Variants in NEGR1 observed in about 807,000 individuals in gnomAD.
NEGR1 encodes the protein IgLON family member 4.
Under a neutral mutation model 40.9 loss-of-function variants are expected in NEGR1, and 10 were observed. That is an observed-to-expected ratio of 0.24 (90% CI 0.15 to 0.42). NEGR1 has a LOEUF of 0.42. NEGR1 is among the 10% of genes least tolerant of loss of function. The pLI, the probability that NEGR1 is intolerant of heterozygous loss-of-function variation, is 1.00. For synonymous variants in NEGR1, 185 were observed against 166.8 expected, an observed-to-expected ratio of 1.11 and a Z score of -0.84; for missense variants, 352 against 438.9, an observed-to-expected ratio of 0.80 and a Z score of 1.77.
intron 2 of NEGR1, among the ~76,000 whole-genome samples, chr1:71,836,614 G>A (rs180675728): frequency 1.1e-4 from 17 of 151,552 alleles, no homozygotes; most frequent in East Asian, 5.9e-4. Flanking sequence ...TTGGGACTCC[G>A]GCGATTTCAG....
chr1:71,585,194 T>C (rs958359645), intron 6 of NEGR1, among the ~76,000 whole-genome samples: 1 of 152,176 alleles, frequency 6.6e-6, no homozygotes, highest in Non-Finnish European at 1.5e-5. Flanking sequence ...GCACTTCTAC[T>C]TTGTTAAGGA....
intron 1 of NEGR1, among the ~76,000 whole-genome samples, chr1:72,266,900 A>G (rs1655665232): frequency 6.6e-6 from 1 of 151,016 alleles, no homozygotes; most frequent in Non-Finnish European, 1.5e-5. Context: ...GGCAATAGCA[A>G]AAAGTCCTAT....
chr1:72,010,015 C>T (rs1305657471), intron 1 of NEGR1, among the ~76,000 whole-genome samples: 1 of 151,952 alleles, frequency 6.6e-6, no homozygotes, highest in African/African-American at 2.4e-5. Flanking sequence ...GAAGAAATGA[C>T]AGGAAGAGGA....
Position 71,554,052 on chromosome 1 carries a change from T to C in NEGR1, c.940+38765A>G, listed in dbSNP as rs1452847245. Among the ~76,000 whole-genome samples, 14 of 151,524 alleles carry C rather than the reference T, an allele frequency of 9.2e-5. No homozygotes were observed. In the Admixed American group the frequency reaches 9.2e-4, roughly 10 times the overall value. On this transcript the variant is annotated intron_variant, in intron 6 of 6. Transcript: ENST00000357731. ...GATCCATTGCTTTAATTAATACTTT[T>C]GAGAATTAAAAGAAATAAGTTTGTT...
At chr1:72,113,437 A>AAC in intron 1 of NEGR1, among the ~76,000 whole-genome samples, 1 of 144,876 alleles carries the variant, frequency 6.9e-6, no homozygotes, top group East Asian at 2.2e-4. Flanking sequence ...CTTTTATACA[A>AAC]AAAAAAAATA....
chr1:71,571,936 T>G (rs1237959994), intron 6 of NEGR1, among the ~76,000 whole-genome samples: 1 of 152,130 alleles, frequency 6.6e-6, no homozygotes, highest in Non-Finnish European at 1.5e-5. Context: ...TAAGCTAATT[T>G]TCACACAATA....
At chr1:71,979,924 G>C (rs918113341) in intron 1 of NEGR1, among the ~76,000 whole-genome samples, 1 of 152,044 alleles carries the variant, frequency 6.6e-6, no homozygotes, top group Admixed American at 6.6e-5. Context: ...AATGTCAAGG[G>C]TGCCTGCCCA....
intron 1 of NEGR1, among the ~76,000 whole-genome samples, chr1:71,994,690 C>G (rs1210796678): frequency 6.6e-6 from 1 of 151,966 alleles, no homozygotes; most frequent in African/African-American, 2.4e-5. Context: ...TTGTCTATAC[C>G]TCTTGGAGGG....
intron 1 of NEGR1, among the ~76,000 whole-genome samples, chr1:72,259,402 C>G (rs1655381263): frequency 6.6e-6 from 1 of 151,816 alleles, no homozygotes; most frequent in Middle Eastern, 3.2e-3. Flanking sequence ...TCTTCTCCTT[C>G]TATACATTGA....
intron 6 of NEGR1, chr1:71,439,873 C>CATAT (rs568241003): frequency 4.0e-5 from 6 of 151,240 alleles, no homozygotes; most frequent in African/African-American, 1.2e-4. Context: ...TTATTTCTCT[C>CATAT]ATATATATAT....
intron 3 of NEGR1, among the ~76,000 whole-genome samples, chr1:71,720,611 C>G (rs772826771): frequency 9.9e-5 from 15 of 152,136 alleles, no homozygotes; most frequent in Non-Finnish European, 1.6e-4. Context: ...GTCCTAGTTC[C>G]ACCATTCTGT....
At chr1:71,634,714 G>C (rs1651088418) in intron 4 of NEGR1, among the ~76,000 whole-genome samples, 1 of 152,102 alleles carries the variant, frequency 6.6e-6, no homozygotes, top group African/African-American at 2.4e-5. Flanking sequence ...CCACATTACT[G>C]TGGTCTCAAG....
At chr1:72,103,234 T>C (rs1262001649) in intron 1 of NEGR1, among the ~76,000 whole-genome samples, 1 of 152,116 alleles carries the variant, frequency 6.6e-6, no homozygotes, top group East Asian at 1.9e-4. Flanking sequence ...GTTCCTTATA[T>C]GGTACTATGC....
intron 2 of NEGR1, among the ~76,000 whole-genome samples, chr1:71,848,562 C>A (rs1183999008): frequency 6.6e-6 from 1 of 152,186 alleles, no homozygotes; most frequent in Non-Finnish European, 1.5e-5. Flanking sequence ...GACAGCACAT[C>A]TGTTTACAGT....
At chr1:72,184,340 G>T (rs1195034444) in intron 1 of NEGR1, among the ~76,000 whole-genome samples, 1 of 152,098 alleles carries the variant, frequency 6.6e-6, no homozygotes, top group Admixed American at 6.6e-5. Context: ...CAAGTAGGCA[G>T]CAGAAAGACA....
chr1:71,856,599 G>T (rs1419462295), intron 2 of NEGR1, among the ~76,000 whole-genome samples: 3 of 152,048 alleles, frequency 2.0e-5, no homozygotes, highest in Non-Finnish European at 4.4e-5. Flanking sequence ...TTTTGAACAG[G>T]AAGTGAAGCA....
chr1:71,813,100 A>G (rs1205960121), intron 2 of NEGR1, among the ~76,000 whole-genome samples: 1 of 152,018 alleles, frequency 6.6e-6, no homozygotes, highest in Non-Finnish European at 1.5e-5. Context: ...TCTTGAGTCA[A>G]TTTTTTTATA....
chr1:71,721,202 A>AT (rs1244818315), intron 3 of NEGR1, among the ~76,000 whole-genome samples: 2 of 151,964 alleles, frequency 1.3e-5, no homozygotes, highest in Non-Finnish European at 2.9e-5. Context: ...CATTTACACC[A>AT]TTTTTTTCTT....
At chr1:71,848,050 A>G (rs544742208) in intron 2 of NEGR1, among the ~76,000 whole-genome samples, 1 of 152,320 alleles carries the variant, frequency 6.6e-6, no homozygotes, top group African/African-American at 2.4e-5. Flanking sequence ...TAGCCACAAC[A>G]GTCCCTTAAG....
Sources: allele counts gnomAD v4.1 joint callset (sites outside exome capture counted in the v4.1 genomes callset), GRCh38; gene constraint gnomAD v4.1.1; transcripts MANE v1.5; gene names NCBI Gene and HGNC (gene_info 2026-07-23, HGNC 2026-07-21).